Variants in FAM180B observed in about 807,000 individuals in gnomAD.
FAM180B encodes protein FAM180B.
Under a neutral mutation model 13.6 loss-of-function variants are expected in FAM180B, and 14 were observed. That is an observed-to-expected ratio of 1.03 (90% CI 0.68 to 1.60). The LOEUF is 1.60. FAM180B is among the 40% of genes most tolerant of loss of function. The pLI, the probability that FAM180B is intolerant of heterozygous loss-of-function variation, is 0.00. For synonymous variants in FAM180B, 109 were observed against 97.0 expected, an observed-to-expected ratio of 1.12 and a Z score of -0.72; for missense variants, 212 against 230.4, an observed-to-expected ratio of 0.92 and a Z score of 0.52.
At position 47,588,524 on chromosome 11, in the gene FAM180B, T is replaced by G. The variant is rs2097273074; in HGVS notation, c.*90T>G. On this transcript the variant is annotated 3_prime_UTR_variant, in exon 3 of 3. Coordinates refer to ENST00000538490, the MANE Select transcript of FAM180B (RefSeq NM_001164379.3). The stretch of plus-strand genomic sequence containing the variant: ...GACCCATCTTGCGCAGGGGCTTCTG[T>G]CTGGCATCTGATTCTTTTCACCGTG... The G allele has an allele frequency of 1.6e-6, 1 of 639,428 alleles. No homozygotes were observed. The highest frequency in any genetic ancestry group is 2.1e-5 in the South Asian group (1 of 47,570). The allele number at this position is 639,428 out of a possible 1,614,324, so 39.6% of individuals were successfully genotyped here. A position where few individuals can be genotyped will look rare whatever the true frequency, so the allele number is the denominator to read the frequency against.
intron 2 of FAM180B, 46 bp downstream of exon 2, chr11:47,587,867 T>A (rs538272330): frequency 2.0e-6 from 3 of 1,481,654 alleles, no homozygotes; most frequent in African/African-American, 2.8e-5. Context: ...CGTCCAGAGG[T>A]CCCTAAGCTC....
In FAM180B at chr11:47,587,819, G is replaced by C. The variant is rs567086871; in HGVS notation, c.154G>C (p.Glu52Gln). Residue 52 changes from glutamate (E) to glutamine (Q), a missense_variant and splice_region_variant, in exon 2 of 3, where the codon GAG (glutamate) becomes CAG (glutamine). Glu to Gln is a conservative substitution (Grantham distance 29). Transcript: ENST00000538490. ...QEPEAPEVMF[E>Q]LLWAGLELDV... ...GCCAGAGGCCCCGGAAGTGATGTTT[G>C]AGGTCTTTCCTCCCAGCCTGGGACA... 6.5e-7 allele frequency: 1 copy of C among 1,533,964 alleles called. No individual in the cohort carries two copies. Among genetic ancestry groups the C allele is most frequent in the African/African-American group, 1.4e-5 (1 of 73,090 alleles).
rs1408272368 is a variant in FAM180B, at chr11:47,588,111, C to T, written c.229C>T (p.His77Tyr). ...HIQDEELAST[H>Y]PGRRLRLLLQ... ...CCAGGATGAGGAACTAGCGTCCACA[C>T]ACCCAGGCCGCCGACTCAGACTCCT... The change falls in exon 3 of 3, where the codon CAC becomes TAC. Residue 77 changes from histidine to tyrosine, a missense_variant. His to Tyr is a moderately conservative substitution (Grantham distance 83, BLOSUM62 2). Coordinates refer to ENST00000538490, the MANE Select transcript of FAM180B (RefSeq NM_001164379.3). The T allele has an allele frequency of 1.3e-6, 2 of 1,537,082 alleles. No individual in the cohort carries two copies.
Position 47,588,017 on chromosome 11 carries a change from C to A in FAM180B, c.157-22C>A, listed in dbSNP as rs1017618663. 31 of 1,515,926 alleles carry A rather than the reference C, an allele frequency of 2.0e-5. No homozygotes were observed. The East Asian group carries it at 7.4e-4, about 36-fold the overall frequency. The allele number at this position is 1,515,926 out of a possible 1,614,324, so 93.9% of individuals were successfully genotyped here. A position where few individuals can be genotyped will look rare whatever the true frequency, so the allele number is the denominator to read the frequency against. ...CCTGCTCCCCAGGCCACAGCCCACC[C>A]CTTACATGGCTCCCCTTGCAGCTGC... On this transcript the variant is annotated intron_variant, in intron 2 of 2. Transcript: ENST00000538490.
rs2097273086 is a variant in FAM180B at position 47,588,531 on chromosome 11, T to C, written c.*97T>C. 1 of 629,198 alleles carries C rather than the reference T, an allele frequency of 1.6e-6. No homozygotes were observed. Among genetic ancestry groups the C allele is most frequent in the Non-Finnish European group, 2.7e-6 (1 of 366,544 alleles). The allele number at this position is 629,198 out of a possible 1,614,324, so 39.0% of individuals were successfully genotyped here. On this transcript the variant is annotated 3_prime_UTR_variant, in exon 3 of 3. Transcript: ENST00000538490. ...CTTGCGCAGGGGCTTCTGTCTGGCA[T>C]CTGATTCTTTTCACCGTGTTCAGAT...
chr11:47,587,503 C>T (rs943564060), intron 1 of FAM180B, among the ~76,000 whole-genome samples: 3 of 152,110 alleles, frequency 2.0e-5, no homozygotes, highest in African/African-American at 7.2e-5. Context: ...TGGGCATTTG[C>T]CAACATGGTA....
chr11:47,586,843 G>A lies in FAM180B; in HGVS notation c.75G>A (p.Gln25=), dbSNP rs36100238. The A allele has an allele frequency of 1.3e-6, 2 of 1,536,692 alleles. No homozygotes were observed. The highest frequency in any genetic ancestry group is 2.7e-5 in the African/African-American group (2 of 73,126). ...ICLLSGVTTT[Q]PHAGQPMDST... ...TCCTCTCTGGTGTGACTACAACCCA[G>A]CCCCATGCAGGTACCAGGCTTCAGG... The change falls in exon 1 of 3, where the codon CAG becomes CAA. Residue 25 remains glutamine, a synonymous_variant. Transcript: ENST00000538490.
At chr11:47,586,998 G>A (rs1303152281) in intron 1 of FAM180B, 145 bp downstream of exon 1, 1 of 653,770 alleles carries the variant, frequency 1.5e-6, no homozygotes, top group Non-Finnish European at 2.7e-6. Flanking sequence ...GTGACAGTGT[G>A]GGCCCCACCC....
At position 47,588,707 on chromosome 11, in the gene FAM180B, AGTGTGTGTGTGAGTGT is replaced by A. The variant is rs1395847072; in HGVS notation, c.*285_*300del. 1,386 of 359,304 alleles carry A rather than the reference AGTGTGTGTGTGAGTGT, an allele frequency of 3.9e-3. 31 individuals are homozygous for A. Among genetic ancestry groups the A allele is most frequent in the African/African-American group, 0.033 (1,321 of 40,226 alleles). 22.3% of individuals were successfully genotyped at this position (359,304 alleles called of 1,614,324 possible). On this transcript the variant is annotated 3_prime_UTR_variant, in exon 3 of 3. Transcript: ENST00000538490. ...AGAGCTAAGGGCACGACTTGCAGGC[AGTGTGTGTGTGAGTGT>A]GTGTGTGTGTGTGTGTGTGTGTGTG...
rs750031466 is a variant in FAM180B at position 47,588,741 on chromosome 11, T to A, written c.*307T>A. The A allele has an allele frequency of 5.6e-3, 1,532 of 273,100 alleles. 28 individuals are homozygous for A. Among genetic ancestry groups the A allele is most frequent in the Non-Finnish European group, 8.5e-3 (1,259 of 148,736 alleles). 16.9% of individuals were successfully genotyped at this position (273,100 alleles called of 1,614,324 possible). A position where few individuals can be genotyped will look rare whatever the true frequency, so the allele number is the denominator to read the frequency against. On this transcript the variant is annotated 3_prime_UTR_variant, in exon 3 of 3. Coordinates refer to ENST00000538490, the MANE Select transcript of FAM180B (RefSeq NM_001164379.3). ...GTGAGTGTGTGTGTGTGTGTGTGTG[T>A]GTGTGTGTGTGTGTGGAGATCAGGG...
chr11:47,588,015 C>A, intron 2 of FAM180B, 24 bp from the exon 3 acceptor site: 1 of 1,514,438 alleles, frequency 6.6e-7, no homozygotes, highest in Non-Finnish European at 8.8e-7. Context: ...CCACAGCCCA[C>A]CCCTTACATG....
chr11:47,588,093 GAGGAAC>G lies in FAM180B; in HGVS notation c.212_217del (p.Glu71_Leu73delinsVal), dbSNP rs1201914292. 8.5e-6 allele frequency: 13 copies of G among 1,537,058 alleles called. No individual in the cohort carries two copies. The highest frequency in any genetic ancestry group is 1.7e-4 in the Middle Eastern group (1 of 5,918). On this transcript the variant is annotated inframe_deletion, in exon 3 of 3. Coordinates refer to ENST00000538490, the MANE Select transcript of FAM180B (RefSeq NM_001164379.3). ...CATGGGGCAGCTGCACATCCAGGATGAGGAACTAGCGTCCACACACCCAGGCCGCCG... is the reference window on the plus strand; with the variant it reads ...CATGGGGCAGCTGCACATCCAGGATGTAGCGTCCACACACCCAGGCCGCCG...
rs1468403330 is a variant in FAM180B, at chr11:47,588,366, G to C, written c.484G>C (p.Gly162Arg). 2 of 1,533,798 alleles carry C rather than the reference G, an allele frequency of 1.3e-6. No homozygotes were observed. Among genetic ancestry groups the C allele is most frequent in the African/African-American group, 1.4e-5 (1 of 72,954 alleles). Residue 162 changes from glycine to arginine, a missense_variant, in exon 3 of 3, where the codon GGT (glycine) becomes CGT (arginine). Physicochemically the swap from Gly to Arg is moderately radical, Grantham distance 125. Transcript: ENST00000538490. ...AQETLWDLCK[G>R]FCPQDRPPSL... ...GGAAACACTCTGGGACCTGTGCAAA[G>C]GTTTCTGCCCCCAGGACCGGCCCCC...
At chr11:47,587,693 A>G (rs2097272366) in intron 1 of FAM180B, 58 bp from the exon 2 acceptor site, 1 of 1,266,462 alleles carries the variant, frequency 7.9e-7, no homozygotes, top group East Asian at 2.6e-5. Flanking sequence ...CACTTCTGGG[A>G]GGCTGGGGTG....
At chr11:47,587,996 C>A in intron 2 of FAM180B, 43 bp from the exon 3 acceptor site, 1 of 1,494,444 alleles carries the variant, frequency 6.7e-7, no homozygotes, top group Non-Finnish European at 8.9e-7. Flanking sequence ...CCCTGCCCTG[C>A]TCCCCAGGCC....
At chr11:47,587,860 C>G in intron 2 of FAM180B, 39 bp downstream of exon 2, 1 of 1,492,564 alleles carries the variant, frequency 6.7e-7, no homozygotes, top group Non-Finnish European at 8.9e-7. Flanking sequence ...GTGGGCACGT[C>G]CAGAGGTCCC....
intron 1 of FAM180B, 53 bp from the exon 2 acceptor site, chr11:47,587,697 TG>T: frequency 7.7e-7 from 1 of 1,296,530 alleles, no homozygotes; most frequent in Non-Finnish European, 1.0e-6. Flanking sequence ...TCTGGGAGGC[TG>T]GGGTGTTCAT....
intron 1 of FAM180B, 127 bp from the exon 2 acceptor site, chr11:47,587,624 A>G (rs1479214341): frequency 1.6e-6 from 1 of 616,814 alleles, no homozygotes; most frequent in African/African-American, 1.9e-5. Context: ...ATGGGATGGC[A>G]TTCCTGCCCT....
chr11:47,587,242 C>T (rs1310495303), intron 1 of FAM180B, among the ~76,000 whole-genome samples: 1 of 151,872 alleles, frequency 6.6e-6, no homozygotes, highest in African/African-American at 2.4e-5. Context: ...CCCCGTCCTC[C>T]CTGCCTCACA....
Sources: gnomAD v4.1 joint callset for allele counts (sites outside exome capture counted in the v4.1 genomes callset) on GRCh38, gnomAD v4.1.1 for gene constraint, MANE v1.5 for transcripts, NCBI Gene and HGNC (gene_info 2026-07-23, HGNC 2026-07-21) for gene names.